The following CREB5 variants were observed in gnomAD, a reference collection of about 807,000 sequenced individuals.
CREB5 encodes cAMP responsive element binding protein 5, also known as cyclic AMP-responsive element-binding protein 5.
A neutral mutation model predicts 57.1 loss-of-function variants in CREB5; 19 were observed. The observed-to-expected ratio is 0.33, with a 90% confidence interval of 0.23 to 0.49. CREB5 has a LOEUF of 0.49. CREB5 is among the 20% of genes least tolerant of loss of function. The pLI is 0.99. For missense variants in CREB5, 579 were observed against 671.6 expected (o/e 0.86, Z 1.52); for synonymous variants, 238 against 238.3 (o/e 1.00, Z 0.01).
chr7:28,514,597 G>A (rs977698955), intron 4 of CREB5, among the ~76,000 whole-genome samples: 3 of 152,060 alleles, frequency 2.0e-5, no homozygotes, highest in Non-Finnish European at 4.4e-5. Flanking sequence ...GGATTTCACC[G>A]TGTTAGTCAG....
At chr7:28,493,069 G>A (rs895734220) in intron 2 of CREB5, among the ~76,000 whole-genome samples, 1 of 152,198 alleles carries the variant, frequency 6.6e-6, no homozygotes, top group Non-Finnish European at 1.5e-5. Context: ...TATTTATTCA[G>A]AGAGCTACTT....
intron 1 of CREB5, among the ~76,000 whole-genome samples, chr7:28,402,400 C>T (rs959878984): frequency 6.6e-6 from 1 of 152,176 alleles, no homozygotes; most frequent in Non-Finnish European, 1.5e-5. Context: ...CTGGAGGCAT[C>T]ACGCTACCTG....
At chr7:28,435,636 A>G in intron 1 of CREB5, 3 of 985,224 alleles carry the variant, frequency 3.0e-6, no homozygotes, top group African/African-American at 1.7e-5. Context: ...GAGTCAATTT[A>G]TTTCTGAAAC....
chr7:28,317,429 AG>A (rs1371419973), intron 1 of CREB5, among the ~76,000 whole-genome samples: 2 of 152,216 alleles, frequency 1.3e-5, no homozygotes, highest in Non-Finnish European at 2.9e-5. Flanking sequence ...TTGAGTGGGC[AG>A]GGGAAGAGGC....
rs892023090 is a variant in CREB5 at position 28,825,534 on chromosome 7, C to A, written c.*6255C>A. The stretch of plus-strand genomic sequence containing the variant: ...AAAGTAAGTGTTAACTGAGGAAGTC[C>A]CAAAAAGGTGCTGTCACTTTAAGTT... On this transcript the variant is annotated 3_prime_UTR_variant, in exon 11 of 11. Transcript: ENST00000357727. 1.3e-5 allele frequency: 2 copies of A among 152,382 alleles called. No homozygotes were observed. The highest frequency in any genetic ancestry group is 2.4e-5 in the African/African-American group (1 of 41,370). The allele number at this position is 152,382 out of a possible 1,614,324, so 9.4% of individuals were successfully genotyped here. A position where few individuals can be genotyped will look rare whatever the true frequency, so the allele number is the denominator to read the frequency against.
intron 1 of CREB5, among the ~76,000 whole-genome samples, chr7:28,393,116 G>A (rs535655919): frequency 4.6e-5 from 7 of 152,202 alleles, no homozygotes; most frequent in African/African-American, 1.2e-4. Flanking sequence ...TAGTAGAGAC[G>A]GAGTTTCTCC....
intron 1 of CREB5, among the ~76,000 whole-genome samples, chr7:28,471,112 T>G (rs898985545): frequency 2.6e-5 from 4 of 152,228 alleles, no homozygotes; most frequent in African/African-American, 4.8e-5. Flanking sequence ...TTGCTTTGGT[T>G]GCCTGTGCAT....
At chr7:28,678,630 A>G (rs1800437006) in intron 5 of CREB5, among the ~76,000 whole-genome samples, 1 of 152,214 alleles carries the variant, frequency 6.6e-6, no homozygotes, top group South Asian at 2.1e-4. Flanking sequence ...TGAGAGGGAC[A>G]GTAGAATGTG....
intron 1 of CREB5, among the ~76,000 whole-genome samples, chr7:28,459,076 A>G (rs1473210390): frequency 6.6e-6 from 1 of 152,116 alleles, no homozygotes; most frequent in Non-Finnish European, 1.5e-5. Context: ...CAGAGCCTCC[A>G]TTCTGCTCCC....
intron 1 of CREB5, among the ~76,000 whole-genome samples, chr7:28,387,108 G>A (rs1376655494): frequency 1.6e-4 from 25 of 152,124 alleles, no homozygotes; most frequent in Admixed American, 1.4e-3. Context: ...TGGGATTGCT[G>A]GGTCAAATGG....
chr7:28,553,381 A>C (rs993295669), intron 4 of CREB5, among the ~76,000 whole-genome samples: 2 of 152,208 alleles, frequency 1.3e-5, no homozygotes, highest in Non-Finnish European at 2.9e-5. Flanking sequence ...CCAGCCTGGC[A>C]TGTAATCTTT....
chr7:28,347,169 A>G (rs1786077858), intron 1 of CREB5, among the ~76,000 whole-genome samples: 1 of 152,244 alleles, frequency 6.6e-6, no homozygotes, highest in Admixed American at 6.5e-5. Context: ...ATGTGCAAAC[A>G]TGCAATGTTA....
At chr7:28,376,867 T>TAGGTTGGCAAGATCTTCTTAGAAA (rs1786841822) in intron 1 of CREB5, among the ~76,000 whole-genome samples, 1 of 152,214 alleles carries the variant, frequency 6.6e-6, no homozygotes, top group African/African-American at 2.4e-5. Context: ...TTTACATAAC[T>TAGGTTGGCAAGATCTTCTTAGAAA]AGGTTGGCAA....
At chr7:28,551,986 TTTCTCTCTTTTCTCTCTC>T (rs1343601485) in intron 4 of CREB5, among the ~76,000 whole-genome samples, 5 of 51,258 alleles carry the variant, frequency 9.8e-5, no homozygotes, top group African/African-American at 5.4e-4. Flanking sequence ...TCTCTCTCTC[TTTCTCTCTTTTCTCTCTC>T]TCTCTCTTTT....
At chr7:28,733,582 C>T (rs1355899989) in intron 7 of CREB5, among the ~76,000 whole-genome samples, 4 of 152,206 alleles carry the variant, frequency 2.6e-5, no homozygotes, top group Non-Finnish European at 4.4e-5. Flanking sequence ...TTCTTGCCTT[C>T]CCCAGGTGGG....
chr7:28,456,280 A>C (rs1790091129), intron 1 of CREB5, among the ~76,000 whole-genome samples: 1 of 152,212 alleles, frequency 6.6e-6, no homozygotes, highest in African/African-American at 2.4e-5. Flanking sequence ...ACATAAGTGC[A>C]AGTTACAAAT....
At chr7:28,504,119 A>G (rs1343176214) in intron 3 of CREB5, among the ~76,000 whole-genome samples, 1 of 152,234 alleles carries the variant, frequency 6.6e-6, no homozygotes, top group East Asian at 1.9e-4. Context: ...TATGAGAATT[A>G]ATACAAGGTC....
chr7:28,469,370 C>A (rs935211772), intron 1 of CREB5, among the ~76,000 whole-genome samples: 3 of 152,082 alleles, frequency 2.0e-5, no homozygotes, highest in Admixed American at 6.5e-5. Context: ...AGAGTGATGG[C>A]AAAGGAAGTG....
intron 7 of CREB5, among the ~76,000 whole-genome samples, chr7:28,729,782 G>A (rs982959085): frequency 1.3e-5 from 2 of 152,210 alleles, no homozygotes; most frequent in Admixed American, 1.3e-4. Flanking sequence ...GGAAAGAAGT[G>A]CTATTGACTT....
Sources: gnomAD v4.1 joint callset for allele counts (sites outside exome capture counted in the v4.1 genomes callset) on GRCh38, gnomAD v4.1.1 for gene constraint, MANE v1.5 for transcripts, NCBI Gene and HGNC (gene_info 2026-07-23, HGNC 2026-07-21) for gene names.